SYT14: variants seen among roughly 807,000 people sequenced by gnomAD.
SYT14 encodes synaptotagmin 14.
Under a neutral mutation model 74.2 loss-of-function variants are expected in SYT14, and 32 were observed. That is an observed-to-expected ratio of 0.43 (90% confidence interval 0.33 to 0.58). The LOEUF (loss-of-function observed/expected upper bound fraction) is 0.58, where lower values mean the gene tolerates loss of function less well. SYT14 is among the 20% of genes least tolerant of loss of function. The pLI is 0.05. For synonymous variants in SYT14, 298 were observed against 337.7 expected, an observed-to-expected ratio of 0.88 and a Z score of 1.29; for missense variants, 791 against 981.8, an observed-to-expected ratio of 0.81 and a Z score of 2.60.
Position 210,127,900 on chromosome 1 carries a change from G to A in SYT14, c.2034+27439G>A, listed in dbSNP as rs536570045. The stretch of plus-strand genomic sequence containing the variant: ...AAATTAGCTGGGCATGGGGGCGGGC[G>A]CCTGTAGTCCCAGCTACTCGGGAGG... On this transcript the variant is annotated intron_variant, in intron 7 of 9. Transcript: ENST00000637265. 1.1e-3 allele frequency among the ~76,000 whole-genome samples: 165 copies of A among 152,168 alleles called. 1 individual carries two copies. Among genetic ancestry groups the A allele is most frequent in the Non-Finnish European group, 1.7e-3 (117 of 67,992 alleles).
At chr1:210,088,347 C>G (rs1246215829) in intron 5 of SYT14, among the ~76,000 whole-genome samples, 3 of 152,074 alleles carry the variant, frequency 2.0e-5, no homozygotes, top group African/African-American at 7.2e-5. Flanking sequence ...TATCCCTCCC[C>G]TAGCCTCCCA....
intron 2 of SYT14, among the ~76,000 whole-genome samples, chr1:209,971,131 CT>C (rs1558100631): frequency 6.6e-6 from 1 of 152,028 alleles, no homozygotes; most frequent in African/African-American, 2.4e-5. Context: ...CTAGATATTT[CT>C]TTTTTTATGT....
intron 5 of SYT14, among the ~76,000 whole-genome samples, chr1:210,084,638 T>C (rs892557448): frequency 3.3e-5 from 5 of 152,224 alleles, no homozygotes; most frequent in Admixed American, 3.3e-4. Context: ...TTAAAGCAGG[T>C]CAGTAAATGT....
intron 8 of SYT14, among the ~76,000 whole-genome samples, chr1:210,156,167 A>G (rs1264723429): frequency 6.6e-6 from 1 of 152,200 alleles, no homozygotes; most frequent in Non-Finnish European, 1.5e-5. Context: ...CATAGCCATT[A>G]TCTTTTAATG....
chr1:210,143,836 T>C (rs914521487), intron 7 of SYT14, among the ~76,000 whole-genome samples: 1 of 152,156 alleles, frequency 6.6e-6, no homozygotes, highest in Admixed American at 6.5e-5. Flanking sequence ...AAAAGTGATA[T>C]TTTACTAACA....
At position 210,113,966 on chromosome 1, in the gene SYT14, C is replaced by T. The variant is rs914360410; in HGVS notation, c.2034+13505C>T. On this transcript the variant is annotated intron_variant, in intron 7 of 9. Coordinates refer to ENST00000637265, the Ensembl canonical transcript of SYT14. ...AAAGAAAGTAATGTGGAGTTGGTAGCCTCCACATTGATTAAGAAGGGGACG... is the reference window on the plus strand; with the variant it reads ...AAAGAAAGTAATGTGGAGTTGGTAGTCTCCACATTGATTAAGAAGGGGACG... 1.7e-4 allele frequency among the ~76,000 whole-genome samples: 26 copies of T among 151,154 alleles called. 3 individuals are homozygous for T. Among genetic ancestry groups the T allele is most frequent in the African/African-American group, 6.4e-4 (26 of 40,514 alleles).
chr1:209,952,639 T>C, intron 1 of SYT14, 70 bp from the exon 2 acceptor site: 1 of 1,364,208 alleles, frequency 7.3e-7, no homozygotes, highest in Non-Finnish European at 1.0e-6. Context: ...TAATTTAAAA[T>C]GATTCTTTGT....
Position 210,025,289 on chromosome 1 carries a change from G to A in SYT14, c.1312+4035G>A, listed in dbSNP as rs557579883. Among the ~76,000 whole-genome samples the A allele has an allele frequency of 1.4e-4, 21 of 152,280 alleles. No homozygotes were observed. In the East Asian group the frequency reaches 3.9e-3, roughly 28 times the overall value. On this transcript the variant is annotated intron_variant, in intron 5 of 9. Transcript: ENST00000637265. ...ACTGCTGGGCACAGTTCTCTTGGTA[G>A]GACTTCATTCATTTTCCTGTGTGAA...
intron 2 of SYT14, among the ~76,000 whole-genome samples, chr1:209,972,284 G>A (rs2079269663): frequency 6.6e-6 from 1 of 151,652 alleles, no homozygotes; most frequent in South Asian, 2.1e-4. Context: ...TATCAATGTT[G>A]TTTATCGTTT....
intron 5 of SYT14, among the ~76,000 whole-genome samples, chr1:210,029,115 ATTGT>A (rs964085617): frequency 3.3e-5 from 5 of 152,108 alleles, no homozygotes; most frequent in Non-Finnish European, 5.9e-5. Flanking sequence ...TTGGAATTGC[ATTGT>A]TTGTTGGTTG....
intron 1 of SYT14, among the ~76,000 whole-genome samples, chr1:209,951,196 C>T (rs949610974): frequency 2.6e-5 from 4 of 152,134 alleles, no homozygotes; most frequent in Non-Finnish European, 5.9e-5. Flanking sequence ...ACTGTAGTCA[C>T]CATGCTGTGC....
At chr1:209,994,652 A>G (rs2079755887) in intron 2 of SYT14, among the ~76,000 whole-genome samples, 2 of 152,156 alleles carry the variant, frequency 1.3e-5, no homozygotes, top group African/African-American at 4.8e-5. Flanking sequence ...CCAGCTAGAT[A>G]CTATAGACAG....
intron 7 of SYT14, among the ~76,000 whole-genome samples, chr1:210,135,601 C>T (rs1414330774): frequency 6.6e-6 from 1 of 151,844 alleles, no homozygotes; most frequent in Non-Finnish European, 1.5e-5. Flanking sequence ...ACTTTTTTTC[C>T]TTAATATGGG....
chr1:210,034,644 C>A (rs1490219501), intron 5 of SYT14, among the ~76,000 whole-genome samples: 1 of 151,622 alleles, frequency 6.6e-6, no homozygotes, highest in African/African-American at 2.4e-5. Context: ...TCTCTATGTC[C>A]AATTTCTATG....
intron 2 of SYT14, among the ~76,000 whole-genome samples, chr1:209,998,121 G>T (rs1210126291): frequency 6.6e-6 from 1 of 151,800 alleles, no homozygotes; most frequent in African/African-American, 2.4e-5. Context: ...TATTTCTAGG[G>T]TTTTTTTGTT....
At chr1:210,116,380 C>A (rs1471656788) in intron 7 of SYT14, among the ~76,000 whole-genome samples, 1 of 152,184 alleles carries the variant, frequency 6.6e-6, no homozygotes, top group Non-Finnish European at 1.5e-5. Flanking sequence ...CACTCTGTTT[C>A]CACGCTGGAG....
At chr1:210,140,410 C>T (rs903827011) in intron 7 of SYT14, among the ~76,000 whole-genome samples, 4 of 152,080 alleles carry the variant, frequency 2.6e-5, no homozygotes, top group Admixed American at 1.3e-4. Context: ...TTCAGGAAAT[C>T]GGTCCCTTAT....
chr1:209,990,563 A>ATATATATACACG (rs1558114770), intron 2 of SYT14, among the ~76,000 whole-genome samples: 13 of 111,556 alleles, frequency 1.2e-4, no homozygotes, highest in African/African-American at 3.5e-4. Context: ...ATATATACGT[A>ATATATATACACG]TATATATGTA....
intron 7 of SYT14, among the ~76,000 whole-genome samples, chr1:210,106,090 T>C (rs2082153214): frequency 2.0e-5 from 3 of 152,232 alleles, no homozygotes; most frequent in Admixed American, 1.3e-4. Flanking sequence ...ACAGTTGCCT[T>C]CTTCTGAAAG....
Sources: allele counts gnomAD v4.1 joint callset (sites outside exome capture counted in the v4.1 genomes callset), GRCh38; gene constraint gnomAD v4.1.1; transcripts MANE v1.5; gene names NCBI Gene and HGNC (gene_info 2026-07-23, HGNC 2026-07-21).